Variants in HPCAL1 observed in about 807,000 individuals in gnomAD.
HPCAL1 encodes hippocalcin like 1.
Under a neutral mutation model 17.1 loss-of-function variants are expected in HPCAL1, and 8 were observed. That is an observed-to-expected ratio of 0.47 (90% confidence interval 0.27 to 0.84). The LOEUF is 0.84. HPCAL1 is among the 40% of genes least tolerant of loss of function. The pLI is 0.13. For synonymous variants in HPCAL1, 112 were observed against 111.4 expected (o/e 1.01, Z -0.03); for missense variants, 165 against 271.1 (o/e 0.61, Z 2.75).
rs577953809 is a variant in HPCAL1, at chr2:10,417,578, A to G, written c.-24-2156A>G. On this transcript the variant is annotated intron_variant, in intron 2 of 4. Coordinates refer to ENST00000307845, the MANE Select transcript of HPCAL1 (RefSeq NM_002149.4). ...AAATACACCTTGAAGATTATTTCTTATGAGTACGTAAGATGGGCACCTGAG... is the reference window on the plus strand; with the variant it reads ...AAATACACCTTGAAGATTATTTCTTGTGAGTACGTAAGATGGGCACCTGAG... Among the ~76,000 whole-genome samples, 4 of 152,294 alleles carry G rather than the reference A, an allele frequency of 2.6e-5. No homozygotes were observed. The South Asian group carries it at 8.3e-4, about 32-fold the overall frequency.
chr2:10,414,886 C>T (rs980103766), intron 2 of HPCAL1, among the ~76,000 whole-genome samples: 3 of 152,218 alleles, frequency 2.0e-5, no homozygotes, highest in African/African-American at 7.2e-5. Context: ...GCTGCTGTTA[C>T]AGCGGCAGAC....
intron 1 of HPCAL1, among the ~76,000 whole-genome samples, chr2:10,320,595 T>A (rs1213140502): frequency 6.6e-6 from 1 of 152,236 alleles, no homozygotes; most frequent in Non-Finnish European, 1.5e-5. Flanking sequence ...CAGGTAGTTC[T>A]TTATAGCAGT....
chr2:10,413,429 T>A (rs74897851), intron 2 of HPCAL1, among the ~76,000 whole-genome samples: 6,648 of 152,202 alleles, frequency 0.044, 191 homozygotes, highest in Middle Eastern at 0.12. Flanking sequence ...ACAGCAAGAG[T>A]GTCCATTCAC....
intron 1 of HPCAL1, among the ~76,000 whole-genome samples, chr2:10,313,577 C>G (rs958893046): frequency 1.3e-5 from 2 of 152,160 alleles, no homozygotes; most frequent in African/African-American, 4.8e-5. Flanking sequence ...GGACAGTGGT[C>G]TGGAAGCCAA....
At chr2:10,399,268 C>CCACCACCACCAT (rs1558517677) in intron 2 of HPCAL1, among the ~76,000 whole-genome samples, 1 of 78,926 alleles carries the variant, frequency 1.3e-5, no homozygotes. Context: ...ACCATCACCA[C>CCACCACCACCAT]CACCACCACC....
Position 10,419,975 on chromosome 2 carries a change from A to G in HPCAL1, c.218A>G (p.Asp73Gly). The G allele has an allele frequency of 6.2e-7, 1 of 1,613,894 alleles. No individual in the cohort carries two copies. The highest frequency in any genetic ancestry group is 8.5e-7 in the Non-Finnish European group (1 of 1,180,002). ...KFAEHVFRTF[D>G]TNGDGTIDFR... is the part of the protein sequence containing the mutation. ...GCCGAGCACGTCTTCCGCACCTTCGACACCAACGGCGACGGCACCATCGAC... is the reference window on the plus strand; with the variant it reads ...GCCGAGCACGTCTTCCGCACCTTCGGCACCAACGGCGACGGCACCATCGAC... The change falls in exon 3 of 5, where the codon GAC becomes GGC. Residue 73 changes from aspartate (D) to glycine (G), a missense_variant. Coordinates refer to ENST00000307845, the MANE Select transcript of HPCAL1 (RefSeq NM_002149.4). The surrounding 1 kb of genome is among the most constrained non-coding windows in gnomAD (Gnocchi z 5.0).
At chr2:10,325,844 C>T (rs1325643045) in intron 1 of HPCAL1, among the ~76,000 whole-genome samples, 1 of 152,242 alleles carries the variant, frequency 6.6e-6, no homozygotes, top group Admixed American at 6.5e-5. Context: ...CAATTAGCAC[C>T]TCTGTTGGGC....
chr2:10,330,883 A>C lies in HPCAL1; in HGVS notation c.-111+27706A>C, dbSNP rs1664324886. 6.6e-6 allele frequency among the ~76,000 whole-genome samples: 1 copy of C among 152,166 alleles called. No homozygotes were observed. The highest frequency in any genetic ancestry group is 2.1e-4 in the South Asian group (1 of 4,832). ...TGTGAGAATGCAGGTTCCCAGGCCCACACCGTGCTGGTTGAGTCAGAGCTT... is the reference window on the plus strand; with the variant it reads ...TGTGAGAATGCAGGTTCCCAGGCCCCCACCGTGCTGGTTGAGTCAGAGCTT... On this transcript the variant is annotated intron_variant, in intron 1 of 4. Coordinates refer to ENST00000307845, the MANE Select transcript of HPCAL1 (RefSeq NM_002149.4). The surrounding 1 kb of genome is among the most constrained non-coding windows in gnomAD (Gnocchi z 4.2).
chr2:10,377,924 C>T lies in HPCAL1; in HGVS notation c.-110-18911C>T, dbSNP rs756724099. On this transcript the variant is annotated intron_variant, in intron 1 of 4. Transcript: ENST00000307845. The surrounding 1 kb of genome is among the most constrained non-coding windows in gnomAD (Gnocchi z 5.9). Reference sequence around the variant, plus strand: ...GGGCATTTCAGAGAGTGCAAGGAGGCGGCGAAGATGCTGGTTGAGGGCACG... The same window carrying T: ...GGGCATTTCAGAGAGTGCAAGGAGGTGGCGAAGATGCTGGTTGAGGGCACG... 6.0e-5 allele frequency among the ~76,000 whole-genome samples: 9 copies of T among 151,052 alleles called. No individual in the cohort carries two copies. Among genetic ancestry groups the T allele is most frequent in the Non-Finnish European group, 7.4e-5 (5 of 67,496 alleles).
chr2:10,402,233 G>A (rs1669661403), intron 2 of HPCAL1, among the ~76,000 whole-genome samples: 1 of 152,228 alleles, frequency 6.6e-6, no homozygotes, highest in Non-Finnish European at 1.5e-5. Flanking sequence ...AGGAAAGAAG[G>A]AGTTCCTGTC....
chr2:10,342,034 G>A lies in HPCAL1; in HGVS notation c.-111+38857G>A, dbSNP rs1665123410. Among the ~76,000 whole-genome samples, 1 of 151,552 alleles carries A rather than the reference G, an allele frequency of 6.6e-6. No homozygotes were observed. The highest frequency in any genetic ancestry group is 2.1e-4 in the South Asian group (1 of 4,798). On this transcript the variant is annotated intron_variant, in intron 1 of 4. Coordinates refer to ENST00000307845, the MANE Select transcript of HPCAL1 (RefSeq NM_002149.4). This position sits in a 1 kb window ranked among gnomAD's most constrained non-coding sequence, Gnocchi z 4.1. ...TTTTTTAAATTAGCCAGATGTGGTG[G>A]TGGTGTGCTCCTGTAGTCCCAGCTA... is the stretch of plus-strand genomic sequence containing the variant.
intron 1 of HPCAL1, among the ~76,000 whole-genome samples, chr2:10,389,386 C>T (rs1668539028): frequency 6.6e-6 from 1 of 152,212 alleles, no homozygotes; most frequent in Admixed American, 6.5e-5. Context: ...AGTAAAATTG[C>T]TAATACCACC....
At chr2:10,372,347 C>G (rs1054029132) in intron 1 of HPCAL1, among the ~76,000 whole-genome samples, 1 of 152,208 alleles carries the variant, frequency 6.6e-6, no homozygotes, top group Non-Finnish European at 1.5e-5. Flanking sequence ...CCACTCCATG[C>G]CTTCTGTCAA....
intron 1 of HPCAL1, among the ~76,000 whole-genome samples, chr2:10,341,408 G>A (rs981821206): frequency 1.3e-5 from 2 of 152,078 alleles, no homozygotes; most frequent in African/African-American, 2.4e-5. Context: ...TCATGATTGC[G>A]CCACTGCACT....
At chr2:10,421,482 CGTGAGCCCGGGA>C (rs2148036846) in intron 3 of HPCAL1, among the ~76,000 whole-genome samples, 1 of 152,270 alleles carries the variant, frequency 6.6e-6, no homozygotes, top group African/African-American at 2.4e-5. Context: ...TGGAGGATCG[CGTGAGCCCGGGA>C]GTTTGAGACC....
chr2:10,350,807 G>A (rs919001713), intron 1 of HPCAL1, among the ~76,000 whole-genome samples: 3 of 152,160 alleles, frequency 2.0e-5, no homozygotes, highest in African/African-American at 7.2e-5. Context: ...ATATACAAGT[G>A]GCCAAGAAGC....
chr2:10,337,169 G>A (rs558239615), intron 1 of HPCAL1, among the ~76,000 whole-genome samples: 52 of 152,210 alleles, frequency 3.4e-4, no homozygotes, highest in African/African-American at 1.2e-3. Flanking sequence ...CAGTGTTGGC[G>A]GGGTTAGAAG....
chr2:10,307,379 T>TG (rs906576223), intron 1 of HPCAL1, among the ~76,000 whole-genome samples: 23 of 152,316 alleles, frequency 1.5e-4, no homozygotes, highest in African/African-American at 5.5e-4. Context: ...TGATATTAAG[T>TG]GCATGTCTAG....
rs867271148 is a variant in HPCAL1 at position 10,419,978 on chromosome 2, C to T, written c.221C>T (p.Thr74Ile). The change falls in exon 3 of 5, where the codon ACC becomes ATC. Residue 74 changes from threonine (T) to isoleucine (I), a missense_variant. Thr to Ile is a moderately conservative substitution (Grantham distance 89, BLOSUM62 -1). Coordinates refer to ENST00000307845, the MANE Select transcript of HPCAL1 (RefSeq NM_002149.4). The surrounding 1 kb of genome is among the most constrained non-coding windows in gnomAD (Gnocchi z 5.0). ...FAEHVFRTFD[T>I]NGDGTIDFRE... ...GAGCACGTCTTCCGCACCTTCGACA[C>T]CAACGGCGACGGCACCATCGACTTC... is the stretch of plus-strand genomic sequence containing the variant. 24 of 1,613,892 alleles carry T rather than the reference C, an allele frequency of 1.5e-5. No homozygotes were observed. In the African/African-American group the frequency reaches 3.1e-4, roughly 21 times the overall value.
Sources: allele counts gnomAD v4.1 joint callset (sites outside exome capture counted in the v4.1 genomes callset), GRCh38; gene constraint gnomAD v4.1.1; non-coding constraint Gnocchi (gnomAD v3.1); transcripts MANE v1.5; gene names NCBI Gene and HGNC (gene_info 2026-07-23, HGNC 2026-07-21).